Variants in FBXO22 observed in about 807,000 individuals in gnomAD.
The protein encoded by FBXO22 is F-box only protein 22.
FBXO22 carries 13 observed loss-of-function variants against 37.2 expected under a neutral mutation model. The ratio of observed to expected loss-of-function variants is 0.35; its 90% CI spans 0.23 to 0.56. The LOEUF is 0.56. Ranked by LOEUF, FBXO22 falls within the 20% of genes least tolerant of loss-of-function variation. FBXO22 has a pLI of 0.87. For synonymous variants in FBXO22, 189 were observed against 189.1 expected (o/e 1.00, Z 0.00); for missense variants, 446 against 509.9 (o/e 0.87, Z 1.21).
rs984342257 is a variant in FBXO22, at chr15:75,936,013, T to A, written c.*2911T>A. ...CGTGTTAGCCAAGATGGTCTCGATC[T>A]CCTGACCTTGTGATCCGCCCGCCTC... On this transcript the variant is annotated 3_prime_UTR_variant, in exon 7 of 7. Transcript: ENST00000308275. 8 of 152,182 alleles carry A rather than the reference T, an allele frequency of 5.3e-5. No individual in the cohort carries two copies. The highest frequency in any genetic ancestry group is 1.9e-4 in the African/African-American group (8 of 41,442). 9.4% of individuals were successfully genotyped at this position (152,182 alleles called of 1,614,324 possible). A position where few individuals can be genotyped will look rare whatever the true frequency, so the allele number is the denominator to read the frequency against.
chr15:75,925,313 G>A (rs1263579872), intron 5 of FBXO22, among the ~76,000 whole-genome samples: 1 of 152,176 alleles, frequency 6.6e-6, no homozygotes, highest in Non-Finnish European at 1.5e-5. Context: ...TTTCTATAAT[G>A]TACTTAGAAC....
chr15:75,904,464 C>T, intron 1 of FBXO22, 27 bp from the exon 2 acceptor site: 2 of 1,613,192 alleles, frequency 1.2e-6, no homozygotes, highest in Non-Finnish European at 8.5e-7. Context: ...CGTCCGTTCG[C>T]AATCCTTTGT....
At chr15:75,916,055 CAAAAAA>C (rs10591372) in intron 4 of FBXO22, among the ~76,000 whole-genome samples, 2 of 61,026 alleles carry the variant, frequency 3.3e-5, no homozygotes, top group African/African-American at 1.4e-4. Context: ...ACTCTGTCTC[CAAAAAA>C]AAAAAAAAAA....
At chr15:75,930,119 G>A (rs895588283) in intron 6 of FBXO22, 70 bp downstream of exon 6, 7 of 1,603,286 alleles carry the variant, frequency 4.4e-6, no homozygotes, top group African/African-American at 1.3e-5. Flanking sequence ...TCACTTTGGG[G>A]TTAACAATTT....
chr15:75,930,908 C>T, intron 6 of FBXO22: 1 of 943,790 alleles, frequency 1.1e-6, no homozygotes, highest in Non-Finnish European at 1.3e-6. Flanking sequence ...TAGTTATAGT[C>T]TCTCTTCTGG....
rs1356257408 is a variant in FBXO22 at position 75,941,157 on chromosome 15, A to G, written c.*8055A>G. 2.0e-5 allele frequency: 3 copies of G among 152,204 alleles called. No individual in the cohort carries two copies. The highest frequency in any genetic ancestry group is 4.8e-5 in the African/African-American group (2 of 41,456). The allele number at this position is 152,204 out of a possible 1,614,324, so 9.4% of individuals were successfully genotyped here. ...ATAGATCTCCAGAGAGGACATGCAGATAGCCAGTGAGCACAGGAAAAAATG... is the reference window on the plus strand; with the variant it reads ...ATAGATCTCCAGAGAGGACATGCAGGTAGCCAGTGAGCACAGGAAAAAATG... On this transcript the variant is annotated 3_prime_UTR_variant, in exon 7 of 7. Coordinates refer to ENST00000308275, the MANE Select transcript of FBXO22 (RefSeq NM_147188.3).
In FBXO22 at chr15:75,932,934, T is replaced by C. The variant is rs761593704; in HGVS notation, c.1044T>C (p.Phe348=). Residue 348 remains phenylalanine, a synonymous_variant, in exon 7 of 7, where the codon TTT becomes TTC. Coordinates refer to ENST00000308275, the MANE Select transcript of FBXO22 (RefSeq NM_147188.3). ...TTGAGGCTGATGCATTTAGAAAGTT[T>C]TTTCCTAGTGTTCCCTTATTCGGCT... The part of the protein sequence containing the change: ...GNVEADAFRK[F]FPSVPLFGFF... 3 of 1,614,262 alleles carry C rather than the reference T, an allele frequency of 1.9e-6. No individual in the cohort carries two copies. The South Asian group carries it at 3.3e-5, about 18-fold the overall frequency.
At chr15:75,907,973 A>G (rs1899965964) in intron 2 of FBXO22, among the ~76,000 whole-genome samples, 1 of 152,110 alleles carries the variant, frequency 6.6e-6, no homozygotes, top group South Asian at 2.1e-4. Context: ...AAAGTCCACC[A>G]AAAGCTTTAT....
intron 4 of FBXO22, among the ~76,000 whole-genome samples, chr15:75,915,533 A>G (rs1847488051): frequency 6.6e-6 from 1 of 152,006 alleles, no homozygotes; most frequent in Admixed American, 6.6e-5. Flanking sequence ...TAGGAGGCCG[A>G]GGCAGGCGGA....
intron 2 of FBXO22, among the ~76,000 whole-genome samples, chr15:75,912,579 G>C (rs539444799): frequency 6.0e-4 from 91 of 152,208 alleles, no homozygotes; most frequent in South Asian, 1.2e-3. Flanking sequence ...GGTATTCTCT[G>C]ATGGTAGTCT....
In FBXO22 at chr15:75,917,294, T is replaced by C; in HGVS notation, c.528T>C (p.Ala176=). The C allele has an allele frequency of 1.9e-6, 3 of 1,612,480 alleles. No homozygotes were observed. Among genetic ancestry groups the C allele is most frequent in the Non-Finnish European group, 2.5e-6 (3 of 1,178,854 alleles). ...QEIEIGESGF[A]LLFPQIEGIK... Reference sequence around the variant, plus strand: ...TAGAAATTGGAGAATCTGGTTTTGCTTTATTATTCCCTCAAATTGAAGGAA... The same window carrying C: ...TAGAAATTGGAGAATCTGGTTTTGCCTTATTATTCCCTCAAATTGAAGGAA... Residue 176 remains alanine (A), a synonymous_variant, in exon 5 of 7, where the codon GCT becomes GCC. Transcript: ENST00000308275.
At position 75,933,680 on chromosome 15, in the gene FBXO22, A is replaced by G; in HGVS notation, c.*578A>G. 1 of 242,326 alleles carries G rather than the reference A, an allele frequency of 4.1e-6. No individual in the cohort carries two copies. Among genetic ancestry groups the G allele is most frequent in the Non-Finnish European group, 8.2e-6 (1 of 121,830 alleles). The allele number at this position is 242,326 out of a possible 1,614,324, so 15.0% of individuals were successfully genotyped here. A position where few individuals can be genotyped will look rare whatever the true frequency, so the allele number is the denominator to read the frequency against. On this transcript the variant is annotated 3_prime_UTR_variant, in exon 7 of 7. Coordinates refer to ENST00000308275, the MANE Select transcript of FBXO22 (RefSeq NM_147188.3). ...GTCAGATAAATTGACAAGACTAATCAGTATTTTATTATAAGTAAAAGATTT... is the reference window on the plus strand; with the variant it reads ...GTCAGATAAATTGACAAGACTAATCGGTATTTTATTATAAGTAAAAGATTT...
chr15:75,923,785 G>A (rs992248615), intron 5 of FBXO22, among the ~76,000 whole-genome samples: 7 of 152,096 alleles, frequency 4.6e-5, no homozygotes, highest in Non-Finnish European at 8.8e-5. Flanking sequence ...AAAAGTATAT[G>A]CAGGAGACAC....
intron 3 of FBXO22, 78 bp from the exon 4 acceptor site, chr15:75,914,032 T>C: frequency 1.0e-6 from 1 of 993,518 alleles, no homozygotes; most frequent in Non-Finnish European, 1.6e-6. Flanking sequence ...ATTTCCAGTA[T>C]TTGCTTTTTT....
rs2030850727 is a variant in FBXO22 at position 75,940,617 on chromosome 15, A to G, written c.*7515A>G. On this transcript the variant is annotated 3_prime_UTR_variant, in exon 7 of 7. Coordinates refer to ENST00000308275, the MANE Select transcript of FBXO22 (RefSeq NM_147188.3). ...CTATAATGCTACAGTAATCAAAACA[A>G]TGTGATTCTGGCATAAAGGCAGACG... 6.6e-6 allele frequency: 1 copy of G among 152,102 alleles called. No individual in the cohort carries two copies. The highest frequency in any genetic ancestry group is 1.5e-5 in the Non-Finnish European group (1 of 67,968). 9.4% of individuals were successfully genotyped at this position (152,102 alleles called of 1,614,324 possible). A position where few individuals can be genotyped will look rare whatever the true frequency, so the allele number is the denominator to read the frequency against.
chr15:75,907,616 C>G (rs1421318447), intron 2 of FBXO22, among the ~76,000 whole-genome samples: 1 of 152,018 alleles, frequency 6.6e-6, no homozygotes, highest in Non-Finnish European at 1.5e-5. Context: ...TTAAAGTCCG[C>G]CAGGCATGGT....
chr15:75,927,311 T>C (rs988453533), intron 5 of FBXO22, among the ~76,000 whole-genome samples: 2 of 152,192 alleles, frequency 1.3e-5, no homozygotes, highest in Non-Finnish European at 2.9e-5. Context: ...GTTTGTTAAA[T>C]GAATGGGAGT....
At chr15:75,913,738 C>T (rs1227180806) in intron 3 of FBXO22, among the ~76,000 whole-genome samples, 2 of 152,144 alleles carry the variant, frequency 1.3e-5, no homozygotes, top group Admixed American at 1.3e-4. Context: ...ATAATGGATT[C>T]TCATTGTCTA....
At chr15:75,921,997 T>A (rs1226417826) in intron 5 of FBXO22, among the ~76,000 whole-genome samples, 1 of 152,170 alleles carries the variant, frequency 6.6e-6, no homozygotes, top group Non-Finnish European at 1.5e-5. Flanking sequence ...TTAACTTTTT[T>A]TTTTTTTTAA....
Sources: gnomAD v4.1 joint callset for allele counts (sites outside exome capture counted in the v4.1 genomes callset) on GRCh38, gnomAD v4.1.1 for gene constraint, MANE v1.5 for transcripts, NCBI Gene and HGNC (gene_info 2026-07-23, HGNC 2026-07-21) for gene names.